GPR176: variants seen among roughly 807,000 people sequenced by gnomAD.
GPR176 encodes the protein G protein-coupled receptor 176, also known as G-protein coupled receptor 176.
GPR176 carries 26 observed loss-of-function variants against 35.4 expected under a neutral mutation model. The observed-to-expected ratio is 0.74, with a 90% CI of 0.54 to 1.02. The LOEUF (loss-of-function observed/expected upper bound fraction) is 1.02. Among genes scored for constraint, GPR176 ranks in the 50% least tolerant of loss-of-function variants. GPR176 has a pLI of 0.00. For synonymous variants in GPR176, 278 were observed against 271.3 expected, an observed-to-expected ratio of 1.02 and a Z score of -0.24; for missense variants, 597 against 665.3, an observed-to-expected ratio of 0.90 and a Z score of 1.13.
intron 1 of GPR176, among the ~76,000 whole-genome samples, chr15:39,866,831 T>C (rs369345448): frequency 6.6e-6 from 1 of 152,146 alleles, no homozygotes; most frequent in East Asian, 1.9e-4. Context: ...AATAAATCAC[T>C]GAAACATATG....
chr15:39,908,833 G>A (rs1220451722), intron 1 of GPR176, among the ~76,000 whole-genome samples: 1 of 152,186 alleles, frequency 6.6e-6, no homozygotes, highest in Non-Finnish European at 1.5e-5. Context: ...GATTGATCAA[G>A]CTTGGATCCT....
Position 39,802,262 on chromosome 15 carries a change from A to T in GPR176, c.426-8T>A, listed in dbSNP as rs1898933768. On this transcript the variant is annotated splice_polypyrimidine_tract_variant and splice_region_variant and intron_variant, in intron 2 of 2. Coordinates refer to ENST00000561100, the MANE Select transcript of GPR176 (RefSeq NM_007223.3). ...TAGAGGACTGAGTAGTACCTGCAAG[A>T]TACACAAACAAAATTAATTCCACAG... 18 of 1,555,630 alleles carry T rather than the reference A, an allele frequency of 1.2e-5. No individual in the cohort carries two copies. Among genetic ancestry groups the T allele is most frequent in the Non-Finnish European group, 1.5e-5 (17 of 1,149,152 alleles).
intron 1 of GPR176, among the ~76,000 whole-genome samples, chr15:39,857,541 A>G (rs1229873087): frequency 1.3e-5 from 2 of 151,982 alleles, no homozygotes; most frequent in African/African-American, 4.8e-5. Flanking sequence ...GTGGTGGTGC[A>G]TGTCTGTAGT....
chr15:39,907,721 C>T (rs905036902), intron 1 of GPR176, among the ~76,000 whole-genome samples: 1 of 152,182 alleles, frequency 6.6e-6, no homozygotes, highest in African/African-American at 2.4e-5. Flanking sequence ...CGAACAGTGC[C>T]AATATTTCCC....
chr15:39,861,950 C>T (rs2031611745), intron 1 of GPR176: 1 of 152,156 alleles, frequency 6.6e-6, no homozygotes, highest in East Asian at 1.9e-4. Flanking sequence ...ACGGCTGAGT[C>T]CCTCTCTGTT....
intron 1 of GPR176, among the ~76,000 whole-genome samples, chr15:39,917,828 T>C (rs747704462): frequency 1.3e-5 from 2 of 151,798 alleles, no homozygotes; most frequent in Admixed American, 6.6e-5. Context: ...AGGTGCATCA[T>C]GAGGTCAAGA....
intron 1 of GPR176, among the ~76,000 whole-genome samples, chr15:39,883,704 T>A (rs1308361111): frequency 6.6e-6 from 1 of 152,192 alleles, no homozygotes; most frequent in Non-Finnish European, 1.5e-5. Context: ...TTCTGTGTGG[T>A]CCTTGGACAA....
At chr15:39,880,620 AC>A (rs2032438633) in intron 1 of GPR176, among the ~76,000 whole-genome samples, 1 of 152,016 alleles carries the variant, frequency 6.6e-6, no homozygotes, top group African/African-American at 2.4e-5. Flanking sequence ...ACCTTATTTT[AC>A]CCCACCTGCT....
At chr15:39,909,540 G>A (rs758890740) in intron 1 of GPR176, among the ~76,000 whole-genome samples, 4 of 152,148 alleles carry the variant, frequency 2.6e-5, no homozygotes, top group Admixed American at 6.5e-5. Flanking sequence ...GCAAGTGGGT[G>A]CACATTACAC....
At chr15:39,831,722 A>G (rs190138738) in intron 1 of GPR176, among the ~76,000 whole-genome samples, 1 of 152,042 alleles carries the variant, frequency 6.6e-6, no homozygotes, top group Non-Finnish European at 1.5e-5. Flanking sequence ...CAAACCTCGT[A>G]ATTTCTTGAT....
At chr15:39,886,517 C>A (rs559612340) in intron 1 of GPR176, among the ~76,000 whole-genome samples, 1 of 152,194 alleles carries the variant, frequency 6.6e-6, no homozygotes, top group Admixed American at 6.5e-5. Flanking sequence ...AACGGTGGGC[C>A]AAATGGTCTG....
rs1305917056 is a variant in GPR176 at position 39,897,596 on chromosome 15, A to AAT, written c.172+22257_172+22258dup. ...CCTGAGAGATCATGAGAAACATCCA[A>AAT]ATATTTTTTTTTTTTTTTTTTTTTT... On this transcript the variant is annotated intron_variant, in intron 1 of 2. Transcript: ENST00000561100. Among the ~76,000 whole-genome samples the AAT allele has an allele frequency of 1.1e-4, 13 of 113,718 alleles. No individual in the cohort carries two copies. In the East Asian group the frequency reaches 1.7e-3, roughly 15 times the overall value. 74.6% of individuals were successfully genotyped at this position (113,718 alleles called of 152,430 possible). A position where few individuals can be genotyped will look rare whatever the true frequency, so the allele number is the denominator to read the frequency against.
intron 1 of GPR176, among the ~76,000 whole-genome samples, chr15:39,859,402 A>C (rs1191390168): frequency 6.6e-6 from 1 of 152,130 alleles, no homozygotes; most frequent in African/African-American, 2.4e-5. Context: ...CAAGCACATA[A>C]AAAGATGTCC....
At chr15:39,821,906 C>T (rs1595449928) in intron 1 of GPR176, among the ~76,000 whole-genome samples, 1 of 152,206 alleles carries the variant, frequency 6.6e-6, no homozygotes, top group Admixed American at 6.5e-5. Flanking sequence ...TCAATGAAGT[C>T]GATATGTGTA....
chr15:39,835,604 G>A (rs1179020347), intron 1 of GPR176, among the ~76,000 whole-genome samples: 4 of 152,076 alleles, frequency 2.6e-5, no homozygotes, highest in Admixed American at 6.6e-5. Flanking sequence ...GTGGAAGCTA[G>A]AGCTCCAGCA....
chr15:39,861,807 G>C (rs929235831), intron 1 of GPR176, among the ~76,000 whole-genome samples: 12 of 152,142 alleles, frequency 7.9e-5, no homozygotes, highest in South Asian at 2.1e-4. Context: ...AAATGTTAAA[G>C]GTCTGTTTTA....
intron 2 of GPR176, among the ~76,000 whole-genome samples, chr15:39,806,603 C>A (rs1388838372): frequency 1.3e-5 from 2 of 152,214 alleles, no homozygotes; most frequent in East Asian, 3.8e-4. Context: ...TAAATAACCA[C>A]TGAATCATTC....
intron 1 of GPR176, among the ~76,000 whole-genome samples, chr15:39,853,162 A>T (rs571627965): frequency 6.6e-6 from 1 of 152,338 alleles, no homozygotes; most frequent in East Asian, 1.9e-4. Flanking sequence ...GGTGGAAGCA[A>T]CCTAAACATC....
At chr15:39,867,360 T>G (rs1236332426) in intron 1 of GPR176, among the ~76,000 whole-genome samples, 1 of 152,070 alleles carries the variant, frequency 6.6e-6, no homozygotes, top group Admixed American at 6.5e-5. Flanking sequence ...GGGGTTGAGA[T>G]TCCAAATGTG....
Sources: allele counts gnomAD v4.1 joint callset (sites outside exome capture counted in the v4.1 genomes callset), GRCh38; gene constraint gnomAD v4.1.1; transcripts MANE v1.5; gene names NCBI Gene and HGNC (gene_info 2026-07-23, HGNC 2026-07-21).